Variants in TENM4 observed in about 807,000 individuals in gnomAD.
The protein encoded by TENM4 is teneurin transmembrane protein 4.
TENM4 carries 82 observed loss-of-function variants against 243.3 expected under a neutral mutation model. The observed-to-expected ratio is 0.34, with a 90% CI of 0.28 to 0.40. TENM4 has a LOEUF of 0.40. Ranked by LOEUF, TENM4 falls within the 10% of genes least tolerant of loss-of-function variation. The pLI, the probability that TENM4 is intolerant of heterozygous loss-of-function variation, is 1.00. For missense variants in TENM4, 3,138 were observed against 3,673.3 expected (o/e 0.85, Z 3.77); for synonymous variants, 1,412 against 1,456.3 (o/e 0.97, Z 0.69).
At chr11:78,673,574 T>A (rs1443898382) in intron 30 of TENM4, among the ~76,000 whole-genome samples, 2 of 152,232 alleles carry the variant, frequency 1.3e-5, no homozygotes, top group Non-Finnish European at 2.9e-5. Context: ...TGTGACCAAC[T>A]TTTCTATCAA....
chr11:78,809,977 TC>T (rs1479719935), intron 14 of TENM4, among the ~76,000 whole-genome samples: 1 of 152,010 alleles, frequency 6.6e-6, no homozygotes, highest in Non-Finnish European at 1.5e-5. Flanking sequence ...TTTCTGCTCC[TC>T]CCCCAACTCC....
At chr11:78,661,726 C>T in intron 32 of TENM4, 135 bp from the exon 33 acceptor site, 1 of 1,120,676 alleles carries the variant, frequency 8.9e-7, no homozygotes, top group East Asian at 2.6e-5. Flanking sequence ...GAGTCAACTG[C>T]TACATACACT....
At chr11:79,235,772 G>A (rs185636076) in intron 2 of TENM4, among the ~76,000 whole-genome samples, 22 of 152,194 alleles carry the variant, frequency 1.4e-4, no homozygotes, top group African/African-American at 5.3e-4. Flanking sequence ...CTATGGAAAC[G>A]ACTCTTTTCC....
In TENM4 at chr11:78,878,011, C is replaced by T. The variant is rs182586053; in HGVS notation, c.1084+11774G>A. On this transcript the variant is annotated intron_variant, in intron 9 of 33. Coordinates refer to ENST00000278550, the MANE Select transcript of TENM4 (RefSeq NM_001098816.3). ...GTTAGGGCAAAGCCAGCCTGTGCCC[C>T]GTGCCGGCTATGTTTCAGCAGCCGC... 2.8e-3 allele frequency among the ~76,000 whole-genome samples: 423 copies of T among 152,260 alleles called. 3 individuals carry two copies. Among genetic ancestry groups the T allele is most frequent in the African/African-American group, 9.6e-3 (398 of 41,524 alleles).
chr11:78,880,972 T>G (rs1220404326), intron 9 of TENM4, among the ~76,000 whole-genome samples: 6 of 152,218 alleles, frequency 3.9e-5, no homozygotes. Context: ...TTATGTGTTT[T>G]GACTGTGGTG....
intron 6 of TENM4, among the ~76,000 whole-genome samples, chr11:79,041,997 C>A (rs953011623): frequency 6.6e-6 from 1 of 152,170 alleles, no homozygotes; most frequent in Non-Finnish European, 1.5e-5. Flanking sequence ...GGAAGGTGAT[C>A]AGCAGGAAAT....
At chr11:78,730,313 G>A (rs1855624257) in intron 21 of TENM4, among the ~76,000 whole-genome samples, 1 of 152,212 alleles carries the variant, frequency 6.6e-6, no homozygotes, top group African/African-American at 2.4e-5. Context: ...TTCCTCAAAT[G>A]AGATCTGTTC....
chr11:78,914,101 C>T (rs1311416259), intron 6 of TENM4, among the ~76,000 whole-genome samples: 1 of 152,202 alleles, frequency 6.6e-6, no homozygotes, highest in Non-Finnish European at 1.5e-5. Context: ...GTGTATTCAA[C>T]GGTCCTAGAT....
intron 17 of TENM4, among the ~76,000 whole-genome samples, chr11:78,776,248 C>A (rs555828387): frequency 6.6e-6 from 1 of 152,264 alleles, no homozygotes; most frequent in Admixed American, 6.5e-5. Context: ...CCTTCAGACG[C>A]TTTCTTATAC....
intron 3 of TENM4, among the ~76,000 whole-genome samples, chr11:79,159,339 A>G (rs1207080113): frequency 6.6e-6 from 1 of 152,226 alleles, no homozygotes; most frequent in Non-Finnish European, 1.5e-5. Flanking sequence ...TATCTGATTT[A>G]ATCTTACCCT....
chr11:79,113,376 C>T lies in TENM4; in HGVS notation c.-66+35334G>A, dbSNP rs551935325. ...TCATGGGATTCTGTCTGAGTTACTC[C>T]CCCGCCTATTGGATTGGTGTGTGTG... On this transcript the variant is annotated intron_variant, in intron 4 of 33. Coordinates refer to ENST00000278550, the MANE Select transcript of TENM4 (RefSeq NM_001098816.3). 2.0e-3 allele frequency among the ~76,000 whole-genome samples: 269 copies of T among 136,946 alleles called. 2 individuals carry two copies. Among genetic ancestry groups the T allele is most frequent in the Non-Finnish European group, 2.7e-3 (166 of 62,224 alleles). 89.8% of individuals were successfully genotyped at this position (136,946 alleles called of 152,430 possible).
intron 1 of TENM4, among the ~76,000 whole-genome samples, chr11:79,424,762 A>C (rs61884062): frequency 0.17 from 25,987 of 152,076 alleles, 2,353 homozygotes; most frequent in Middle Eastern, 0.2. Context: ...GTGAAATCCC[A>C]TCTCTACTAA....
chr11:79,146,980 C>A (rs1204449630), intron 4 of TENM4, among the ~76,000 whole-genome samples: 1 of 152,112 alleles, frequency 6.6e-6, no homozygotes, highest in African/African-American at 2.4e-5. Context: ...TATGCACAAA[C>A]ACACACGTGT....
chr11:79,206,475 G>A (rs999472970), intron 3 of TENM4, among the ~76,000 whole-genome samples: 2 of 152,186 alleles, frequency 1.3e-5, no homozygotes, highest in Admixed American at 1.3e-4. Flanking sequence ...CACAGGTGTA[G>A]CCCTGGCTTC....
chr11:78,859,257 G>C (rs1175567969), intron 10 of TENM4, among the ~76,000 whole-genome samples: 1 of 152,082 alleles, frequency 6.6e-6, no homozygotes, highest in Non-Finnish European at 1.5e-5. Flanking sequence ...AAAAGTTAAA[G>C]GGCAACAGTC....
chr11:79,387,275 G>C (rs923076824), intron 1 of TENM4, among the ~76,000 whole-genome samples: 11 of 152,172 alleles, frequency 7.2e-5, no homozygotes, highest in Admixed American at 6.5e-4. Flanking sequence ...GACTGGGAGG[G>C]GGGATCACAT....
In TENM4 at chr11:78,688,475, G is replaced by T. The variant is rs1433702381; in HGVS notation, c.5088-249C>A. Among the ~76,000 whole-genome samples the T allele has an allele frequency of 1.3e-5, 2 of 152,136 alleles. 1 individual carries two copies. ...AGTCTCCCTTCCCTAACCCAGTGGG[G>T]ATGATAACACTGACCTGCCTACTGC... On this transcript the variant is annotated intron_variant, in intron 28 of 33. Coordinates refer to ENST00000278550, the MANE Select transcript of TENM4 (RefSeq NM_001098816.3).
At chr11:78,864,938 A>G (rs1161069017) in intron 9 of TENM4, among the ~76,000 whole-genome samples, 1 of 152,094 alleles carries the variant, frequency 6.6e-6, no homozygotes, top group Non-Finnish European at 1.5e-5. Flanking sequence ...GGGGTGCCTG[A>G]CCCGCTAGGG....
At chr11:78,761,957 C>T (rs530745294) in intron 18 of TENM4, among the ~76,000 whole-genome samples, 1 of 152,136 alleles carries the variant, frequency 6.6e-6, no homozygotes, top group Non-Finnish European at 1.5e-5. Context: ...CTCCTGTGCC[C>T]ACTGCTCTGG....
Sources: allele counts gnomAD v4.1 joint callset (sites outside exome capture counted in the v4.1 genomes callset), GRCh38; gene constraint gnomAD v4.1.1; transcripts MANE v1.5; gene names NCBI Gene and HGNC (gene_info 2026-07-23, HGNC 2026-07-21).